SOX5: variants seen among roughly 807,000 people sequenced by gnomAD.
SOX5 encodes SRY-box transcription factor 5.
Under a neutral mutation model 92.0 loss-of-function variants are expected in SOX5, and 9 were observed. That is an observed-to-expected ratio of 0.10 (90% confidence interval 0.06 to 0.17). The LOEUF is 0.17. Ranked by LOEUF, SOX5 falls within the 10% of genes least tolerant of loss-of-function variation. The probability of loss-of-function intolerance (pLI) is 1.00; values close to 1 mark genes in which losing one functional copy is unlikely to be tolerated. For synonymous variants in SOX5, 344 were observed against 336.3 expected (o/e 1.02, Z -0.25); for missense variants, 642 against 944.5 (o/e 0.68, Z 4.20).
intron 1 of SOX5, among the ~76,000 whole-genome samples, chr12:24,415,514 G>C (rs1964871604): frequency 6.6e-6 from 1 of 152,022 alleles, no homozygotes; most frequent in Non-Finnish European, 1.5e-5. Flanking sequence ...TCCCAAATTA[G>C]TCCCCTCAGC....
chr12:24,473,889 C>CA (rs1321267983), intron 1 of SOX5, among the ~76,000 whole-genome samples: 3 of 152,160 alleles, frequency 2.0e-5, no homozygotes, highest in Non-Finnish European at 4.4e-5. Context: ...ATGTCTGACT[C>CA]ATGTTTGTAG....
chr12:24,448,766 T>A (rs947110408), intron 1 of SOX5, among the ~76,000 whole-genome samples: 13 of 152,140 alleles, frequency 8.5e-5, no homozygotes, highest in Admixed American at 8.5e-4. Flanking sequence ...TAATGTGGAG[T>A]AATATACCCC....
At chr12:24,367,492 A>G (rs1311590975) in intron 2 of SOX5, among the ~76,000 whole-genome samples, 4 of 152,194 alleles carry the variant, frequency 2.6e-5, no homozygotes, top group Non-Finnish European at 5.9e-5. Context: ...AACAACTCAT[A>G]TTTATAACTC....
intron 2 of SOX5, among the ~76,000 whole-genome samples, chr12:24,354,661 G>C (rs776478497): frequency 4.6e-5 from 7 of 152,134 alleles, no homozygotes; most frequent in Non-Finnish European, 1.0e-4. Context: ...ATATTTTAGG[G>C]GGCAAAATCA....
intron 4 of SOX5, among the ~76,000 whole-genome samples, chr12:24,149,877 C>T (rs566768365): frequency 9.2e-5 from 14 of 151,858 alleles, no homozygotes; most frequent in Admixed American, 7.2e-4. Flanking sequence ...CATGGATAAA[C>T]CTAAATAATT....
chr12:24,141,961 C>A (rs12815171), intron 4 of SOX5, among the ~76,000 whole-genome samples: 4,863 of 152,186 alleles, frequency 0.032, 91 homozygotes, highest in Middle Eastern at 0.068. Context: ...GTAAGGTAAG[C>A]CTTACAAAGT....
chr12:24,525,780 G>A (rs948645226), intron 1 of SOX5, among the ~76,000 whole-genome samples: 1 of 152,038 alleles, frequency 6.6e-6, no homozygotes, highest in Non-Finnish European at 1.5e-5. Flanking sequence ...GCGTGAACCC[G>A]GAAGGCAGAG....
intron 3 of SOX5, among the ~76,000 whole-genome samples, chr12:23,807,607 T>G (rs1487563826): frequency 6.6e-6 from 1 of 151,926 alleles, no homozygotes; most frequent in Non-Finnish European, 1.5e-5. Flanking sequence ...ACTTCAGACT[T>G]CTAGACTCTA....
At position 24,428,816 on chromosome 12, in the gene SOX5, C is replaced by T. The variant is rs148786450; in HGVS notation, c.-250-60177G>A. ...AAGTTCAGAAACCATCATTCTACAA[C>T]GATTTTGCAACTTCAAGACAGCATA... On this transcript the variant is annotated intron_variant, in intron 1 of 4. Transcript: ENST00000446891. Among the ~76,000 whole-genome samples the T allele has an allele frequency of 2.3e-3, 321 of 140,642 alleles. 2 individuals carry two copies. The highest frequency in any genetic ancestry group is 8.1e-3 in the African/African-American group (306 of 37,974). 92.3% of individuals were successfully genotyped at this position (140,642 alleles called of 152,430 possible).
intron 8 of SOX5, among the ~76,000 whole-genome samples, chr12:23,617,934 A>G (rs1487159482): frequency 1.3e-5 from 2 of 152,184 alleles, no homozygotes; most frequent in African/African-American, 4.8e-5. Context: ...ATCTTCGTGT[A>G]CTGCACAGTA....
At position 24,313,804 on chromosome 12, in the gene SOX5, G is replaced by A. The variant is rs115538639; in HGVS notation, c.-173-36492C>T. On this transcript the variant is annotated intron_variant, in intron 2 of 4. Transcript: ENST00000446891. The stretch of plus-strand genomic sequence containing the variant: ...CAATTTATATTTATTTTTAGCCCAC[G>A]CTTCTGTTCAATATTTCTAGCTGGA... Among the ~76,000 whole-genome samples, 394 of 152,054 alleles carry A rather than the reference G, an allele frequency of 2.6e-3. 1 individual carries two copies. Among genetic ancestry groups the A allele is most frequent in the African/African-American group, 8.6e-3 (356 of 41,446 alleles).
intron 13 of SOX5, among the ~76,000 whole-genome samples, chr12:23,538,786 A>G (rs867513267): frequency 8.9e-5 from 13 of 145,450 alleles, no homozygotes; most frequent in African/African-American, 3.3e-4. Context: ...TTCGAAAACG[A>G]AACCAGCATT....
chr12:24,315,454 A>G (rs1416385028), intron 2 of SOX5, among the ~76,000 whole-genome samples: 2 of 152,216 alleles, frequency 1.3e-5, no homozygotes, highest in African/African-American at 4.8e-5. Flanking sequence ...CTTGAATGTT[A>G]GTATTTTAAG....
At chr12:24,298,169 C>A (rs554777356) in intron 2 of SOX5, among the ~76,000 whole-genome samples, 2 of 152,092 alleles carry the variant, frequency 1.3e-5, no homozygotes, top group Non-Finnish European at 1.5e-5. Context: ...TGGTTTCAAG[C>A]GATCCTCCCA....
At chr12:23,692,249 A>G (rs1370520673) in intron 6 of SOX5, among the ~76,000 whole-genome samples, 2 of 151,938 alleles carry the variant, frequency 1.3e-5, no homozygotes, top group Non-Finnish European at 2.9e-5. Context: ...CACGGCCAAC[A>G]TAGTGAGACT....
chr12:24,202,816 T>C (rs936624035), intron 4 of SOX5, among the ~76,000 whole-genome samples: 6 of 152,242 alleles, frequency 3.9e-5, no homozygotes, highest in Non-Finnish European at 7.3e-5. Flanking sequence ...ATGATGGTGA[T>C]ATATCTCATT....
chr12:24,246,139 G>C (rs1001064753), intron 3 of SOX5, among the ~76,000 whole-genome samples: 1 of 152,118 alleles, frequency 6.6e-6, no homozygotes, highest in Admixed American at 6.5e-5. Context: ...TTTGGTTTTA[G>C]TCTTGTTGAA....
intron 1 of SOX5, among the ~76,000 whole-genome samples, chr12:24,491,052 C>CTCTT (rs80198255): frequency 3.5e-4 from 53 of 151,130 alleles, no homozygotes; most frequent in Non-Finnish European, 6.5e-4. Context: ...AACCCACTAT[C>CTCTT]TCTTTCTTTC....
intron 3 of SOX5, among the ~76,000 whole-genome samples, chr12:23,802,680 T>A (rs1039749372): frequency 6.6e-6 from 1 of 152,222 alleles, no homozygotes; most frequent in Admixed American, 6.5e-5. Flanking sequence ...ATATCAGCTA[T>A]AATTGTTTTG....
Sources: gnomAD v4.1 joint callset for allele counts (sites outside exome capture counted in the v4.1 genomes callset) on GRCh38, gnomAD v4.1.1 for gene constraint, MANE v1.5 for transcripts, NCBI Gene and HGNC (gene_info 2026-07-23, HGNC 2026-07-21) for gene names.